Variants in WBP11 observed in about 807,000 individuals in gnomAD.
The protein encoded by WBP11 is WW domain binding protein 11, also known as WW domain-binding protein 11.
A neutral mutation model predicts 66.7 loss-of-function variants in WBP11; 12 were observed. The observed-to-expected ratio is 0.18, with a 90% CI of 0.12 to 0.29. The LOEUF is 0.29. WBP11 is among the 10% of genes least tolerant of loss of function. The pLI, the probability that WBP11 is intolerant of heterozygous loss-of-function variation, is 1.00. For synonymous variants in WBP11, 255 were observed against 273.8 expected, an observed-to-expected ratio of 0.93 and a Z score of 0.68; for missense variants, 555 against 818.3, an observed-to-expected ratio of 0.68 and a Z score of 3.93.
At chr12:14,791,706 C>T (rs943679707) in intron 8 of WBP11, among the ~76,000 whole-genome samples, 2 of 152,174 alleles carry the variant, frequency 1.3e-5, no homozygotes, top group African/African-American at 4.8e-5. Context: ...TATAGCAGCA[C>T]AATTTGCTAT....
Position 14,784,892 on chromosome 12 carries a change from C to T in WBP11, c.*2173G>A, listed in dbSNP as rs998881780. On this transcript the variant is annotated 3_prime_UTR_variant, in exon 12 of 12. Coordinates refer to ENST00000261167, the MANE Select transcript of WBP11 (RefSeq NM_016312.3). Reference sequence around the variant, plus strand: ...ATAACAAGTGTACCCAGAATCAGAACTGCTAATTAATTCCCCTTTCCTGTG... The same window carrying T: ...ATAACAAGTGTACCCAGAATCAGAATTGCTAATTAATTCCCCTTTCCTGTG... The T allele has an allele frequency of 2.6e-5, 4 of 151,998 alleles. No individual in the cohort carries two copies. Among genetic ancestry groups the T allele is most frequent in the African/African-American group, 9.7e-5 (4 of 41,342 alleles). 9.4% of individuals were successfully genotyped at this position (151,998 alleles called of 1,614,324 possible).
At chr12:14,789,322 T>C (rs566426296) in intron 10 of WBP11, among the ~76,000 whole-genome samples, 189 bp from the exon 11 acceptor site, 1 of 151,808 alleles carries the variant, frequency 6.6e-6, no homozygotes, top group South Asian at 2.1e-4. Context: ...TGGTGGCTCA[T>C]GCCTGTAATC....
intron 11 of WBP11, 129 bp downstream of exon 11, chr12:14,788,822 G>T: frequency 2.0e-6 from 1 of 501,226 alleles, no homozygotes; most frequent in Non-Finnish European, 3.4e-6. Flanking sequence ...CAGGTCAACG[G>T]CAACTTAAAA....
chr12:14,801,191 C>A (rs1949958055), intron 2 of WBP11, 129 bp downstream of exon 2: 2 of 874,418 alleles, frequency 2.3e-6, no homozygotes, highest in Non-Finnish European at 3.6e-6. Flanking sequence ...CCCATACAAA[C>A]CCTGAATATA....
chr12:14,797,125 C>G, intron 4 of WBP11, 122 bp from the exon 5 acceptor site: 1 of 589,722 alleles, frequency 1.7e-6, no homozygotes. Flanking sequence ...AGACACCAGA[C>G]ATACTCTTTT....
rs765257453 is a variant in WBP11, at chr12:14,793,773, G to C, written c.871C>G (p.Arg291Gly). ...TTGTTGTCTCTCTCACCATTATCAC[G>C]GTGCACAAATTCATCCCCGTCACTT... is the stretch of plus-strand genomic sequence containing the variant. ...GESDGDEFVHRDNGERDNNEE... is the reference protein window; with the variant it reads ...GESDGDEFVHGDNGERDNNEE... Residue 291 changes from arginine (R) to glycine (G), a missense_variant, in exon 8 of 12, where the codon CGT (arginine) becomes GGT (glycine). Arg to Gly is a moderately radical substitution (Grantham distance 125). This residue lies in a region of WBP11 where 220 missense variants were observed against 268.2 expected (regional missense o/e 0.82). Transcript: ENST00000261167. The C allele has an allele frequency of 1.9e-6, 3 of 1,613,380 alleles. No homozygotes were observed. The highest frequency in any genetic ancestry group is 2.5e-6 in the Non-Finnish European group (3 of 1,179,784).
Position 14,789,050 on chromosome 12 carries a change from C to T in WBP11, c.1393G>A (p.Gly465Ser), listed in dbSNP as rs1949790141. ...CCTGGGGGAGGGCCAGGGGGTCGGC[C>T]TGGTGGTGGTCCTGGAGGTAAAAGT... ...PRLLPPGPPPGRPPGPPPGPP... is the reference protein window; with the variant it reads ...PRLLPPGPPPSRPPGPPPGPP... The change falls in exon 11 of 12, where the codon GGC (glycine) becomes AGC (serine). Residue 465 changes from glycine (G) to serine (S), a missense_variant. Gly to Ser is a moderately conservative substitution (Grantham distance 56, BLOSUM62 0). Coordinates refer to ENST00000261167, the MANE Select transcript of WBP11 (RefSeq NM_016312.3). 2.0e-6 allele frequency: 3 copies of T among 1,512,940 alleles called. No homozygotes were observed. The highest frequency in any genetic ancestry group is 1.7e-6 in the Non-Finnish European group (2 of 1,144,964). 93.7% of individuals were successfully genotyped at this position (1,512,940 alleles called of 1,614,324 possible).
At chr12:14,789,508 C>T (rs1176013465) in intron 10 of WBP11, among the ~76,000 whole-genome samples, 1 of 152,026 alleles carries the variant, frequency 6.6e-6, no homozygotes, top group Non-Finnish European at 1.5e-5. Flanking sequence ...TGGTGTGAAC[C>T]CGGGAGGCGG....
chr12:14,790,555 C>T lies in WBP11; in HGVS notation c.1210G>A (p.Ala404Thr), dbSNP rs769720365. 8.7e-6 allele frequency: 14 copies of T among 1,613,994 alleles called. No individual in the cohort carries two copies. Among genetic ancestry groups the T allele is most frequent in the Non-Finnish European group, 1.2e-5 (14 of 1,179,876 alleles). ...GGTGGTGGTCCTGGCATGGGAGGTG[C>T]TTGTATCTGAGAAGGAGGAACAGAC... ...PQSVPPSQIQAPPMPGPPPLG... is the reference protein window; with the variant it reads ...PQSVPPSQIQTPPMPGPPPLG... The change falls in exon 10 of 12, where the codon GCA (alanine) becomes ACA (threonine). Residue 404 changes from alanine to threonine, a missense_variant. Physicochemically the swap from Ala to Thr is moderately conservative, Grantham distance 58 (BLOSUM62 0). Around this residue, in one of 6 missense-constraint regions of WBP11, gnomAD observed 230 missense variants for 286.3 expected, o/e 0.80. Coordinates refer to ENST00000261167, the MANE Select transcript of WBP11 (RefSeq NM_016312.3).
At position 14,791,226 on chromosome 12, in the gene WBP11, T is replaced by C. The variant is rs1208561204; in HGVS notation, c.958A>G (p.Lys320Glu). 6.2e-7 allele frequency: 1 copy of C among 1,614,174 alleles called. No homozygotes were observed. The highest frequency in any genetic ancestry group is 8.5e-7 in the Non-Finnish European group (1 of 1,180,032). ...FADMPGKSRKKKKNMKELTPL... is the reference protein window; with the variant it reads ...FADMPGKSRKEKKNMKELTPL... The stretch of plus-strand genomic sequence containing the variant: ...GTCAGTTCCTTCATGTTCTTCTTTT[T>C]CTTCCTTGATTTTCCAGGCATATCT... The change falls in exon 9 of 12, where the codon AAA becomes GAA. Residue 320 changes from lysine to glutamate, a missense_variant. By Grantham distance (56) the Lys-to-Glu change is moderately conservative. Coordinates refer to ENST00000261167, the MANE Select transcript of WBP11 (RefSeq NM_016312.3).
chr12:14,802,297 GC>G (rs1949974804), intron 1 of WBP11, among the ~76,000 whole-genome samples: 1 of 152,032 alleles, frequency 6.6e-6, no homozygotes, highest in Middle Eastern at 3.2e-3. Flanking sequence ...AGTAATAAAG[GC>G]GGACAAATTT....
chr12:14,795,309 A>G (rs1949879449), intron 5 of WBP11, among the ~76,000 whole-genome samples: 4 of 152,168 alleles, frequency 2.6e-5, no homozygotes, highest in Admixed American at 2.6e-4. Flanking sequence ...AAACGTCAGA[A>G]CCCAGCTGTT....
intron 5 of WBP11, among the ~76,000 whole-genome samples, chr12:14,795,450 G>C (rs937314216): frequency 1.3e-5 from 2 of 152,170 alleles, no homozygotes; most frequent in African/African-American, 2.4e-5. Context: ...ATACATGTCA[G>C]GCTGGGCGTG....
chr12:14,791,188 G>A lies in WBP11; in HGVS notation c.996C>T (p.Ala332=). 1 of 1,614,088 alleles carries A rather than the reference G, an allele frequency of 6.2e-7. No individual in the cohort carries two copies. Among genetic ancestry groups the A allele is most frequent in the African/African-American group, 1.3e-5 (1 of 75,030 alleles). Residue 332 remains alanine, a synonymous_variant, in exon 9 of 12, where the codon GCC becomes GCT. Coordinates refer to ENST00000261167, the MANE Select transcript of WBP11 (RefSeq NM_016312.3). ...CCTCACCTGCCATACGAAGCATCAT[G>A]GCTTGAAGAGGAGTCAGTTCCTTCA... is the stretch of plus-strand genomic sequence containing the variant. ...KNMKELTPLQ[A]MMLRMAGQEI...
intron 4 of WBP11, among the ~76,000 whole-genome samples, chr12:14,799,281 C>T (rs1038253086): frequency 9.9e-5 from 15 of 152,238 alleles, no homozygotes; most frequent in Admixed American, 8.5e-4. Flanking sequence ...CTTAGATTTA[C>T]ATGGTAGTTG....
intron 3 of WBP11, among the ~76,000 whole-genome samples, chr12:14,800,354 T>A (rs1039574220): frequency 6.6e-6 from 1 of 151,862 alleles, no homozygotes; most frequent in East Asian, 1.9e-4. Flanking sequence ...ATTATAAACC[T>A]ACATATATAT....
At chr12:14,795,246 T>G in intron 5 of WBP11, 142 bp from the exon 6 acceptor site, 6 of 887,272 alleles carry the variant, frequency 6.8e-6, no homozygotes, top group Non-Finnish European at 8.0e-6. Flanking sequence ...AAAAATAACC[T>G]TACGTCAATA....
chr12:14,792,936 C>CT (rs1949838535), intron 8 of WBP11, among the ~76,000 whole-genome samples: 1 of 152,020 alleles, frequency 6.6e-6, no homozygotes, highest in East Asian at 1.9e-4. Flanking sequence ...TGCCATGGCT[C>CT]TAATGGCTTT....
chr12:14,800,170 G>A (rs1258406901), intron 3 of WBP11, among the ~76,000 whole-genome samples: 4 of 151,842 alleles, frequency 2.6e-5, no homozygotes, highest in Middle Eastern at 6.8e-3. Context: ...AAACACAATC[G>A]AACATTATTT....
Sources: gnomAD v4.1 joint callset for allele counts (sites outside exome capture counted in the v4.1 genomes callset) on GRCh38, gnomAD v4.1.1 for gene constraint, gnomAD v4.1.1 regional missense constraint, MANE v1.5 for transcripts, NCBI Gene and HGNC (gene_info 2026-07-23, HGNC 2026-07-21) for gene names.